ZNF462: variants seen among roughly 807,000 people sequenced by gnomAD.
The protein encoded by ZNF462 is zinc finger protein 462, also known as zinc finger PBX1-interacting protein.
Under a neutral mutation model 201.9 loss-of-function variants are expected in ZNF462, and 10 were observed. That is an observed-to-expected ratio of 0.05 (90% confidence interval 0.03 to 0.08). The LOEUF is 0.08. ZNF462 is among the 10% of genes least tolerant of loss of function. ZNF462 has a pLI of 1.00. For missense variants in ZNF462, 2,523 were observed against 3,168.3 expected, an observed-to-expected ratio of 0.80 and a Z score of 4.89; for synonymous variants, 1,227 against 1,193.3, an observed-to-expected ratio of 1.03 and a Z score of -0.58.
chr9:106,864,074 C>CTCTCTGTCTCTCTG, intron 1 of ZNF462, among the ~76,000 whole-genome samples: 1 of 132,594 alleles, frequency 7.5e-6, no homozygotes, highest in African/African-American at 2.8e-5. Context: ...CTCTCTCTCT[C>CTCTCTGTCTCTCTG]TCTCTCTCTC....
chr9:106,961,552 T>A (rs1831840071), intron 7 of ZNF462, among the ~76,000 whole-genome samples: 1 of 151,848 alleles, frequency 6.6e-6, no homozygotes, highest in African/African-American at 2.4e-5. Flanking sequence ...TTTTTGGATG[T>A]TTGTAGCATG....
rs1250969050 is a variant in ZNF462 at position 106,923,427 on chromosome 9, C to G, written c.44C>G (p.Ser15Cys). The change falls in exon 2 of 13, where the codon TCT (serine) becomes TGT (cysteine). Residue 15 changes from serine (S) to cysteine (C), a missense_variant. By Grantham distance (112) the Ser-to-Cys change is moderately radical (BLOSUM62 -1). Transcript: ENST00000277225. This position sits in a 1 kb window ranked among gnomAD's most constrained non-coding sequence, Gnocchi z 5.6. ...GATGGCTGTGATTTCCGAGCCCCGT[C>G]TTATGAAGATCTCAAGGCACACATT... ...QCDGCDFRAP[S>C]YEDLKAHIQD... 6.2e-7 allele frequency: 1 copy of G among 1,614,170 alleles called. No homozygotes were observed. The highest frequency in any genetic ancestry group is 1.7e-5 in the Admixed American group (1 of 60,022).
At chr9:106,980,592 G>A (rs1256975837) in intron 9 of ZNF462, among the ~76,000 whole-genome samples, 1 of 152,136 alleles carries the variant, frequency 6.6e-6, no homozygotes, top group East Asian at 1.9e-4. Flanking sequence ...TTGAAAGCAT[G>A]CTATTCTCAG....
In ZNF462 at chr9:106,895,077, G is replaced by C. The variant is rs1251969484; in HGVS notation, c.-30-28277G>C. ...TACCATTAGCATAGGTTGATGCACT[G>C]CTTCTGAGTACCCTTTGTTTAAACT... On this transcript the variant is annotated intron_variant, in intron 1 of 12. Transcript: ENST00000277225. The surrounding 1 kb of genome is among the most constrained non-coding windows in gnomAD (Gnocchi z 4.4). Among the ~76,000 whole-genome samples, 1 of 152,132 alleles carries C rather than the reference G, an allele frequency of 6.6e-6. No individual in the cohort carries two copies. Among genetic ancestry groups the C allele is most frequent in the East Asian group, 1.9e-4 (1 of 5,184 alleles).
At chr9:107,001,378 A>T (rs554173175) in intron 10 of ZNF462, among the ~76,000 whole-genome samples, 5 of 152,288 alleles carry the variant, frequency 3.3e-5, no homozygotes, top group South Asian at 2.1e-4. Flanking sequence ...AAAGGCTCAC[A>T]TTCCCAGAAA....
Position 106,935,476 on chromosome 9 carries a change from T to TTC in ZNF462, c.6117-25_6117-24dup, listed in dbSNP as rs1363574963. 6.2e-7 allele frequency: 1 copy of TTC among 1,601,258 alleles called. No individual in the cohort carries two copies. The highest frequency in any genetic ancestry group is 2.2e-5 in the East Asian group (1 of 44,790). On this transcript the variant is annotated intron_variant, in intron 5 of 12. Coordinates refer to ENST00000277225, the MANE Select transcript of ZNF462 (RefSeq NM_021224.6). This position sits in a 1 kb window ranked among gnomAD's most constrained non-coding sequence, Gnocchi z 4.1. The stretch of plus-strand genomic sequence containing the variant: ...TATGCAATTTTTAATTTTGTCATTT[T>TTC]TCTTTTTGTTTTCCTTCTACATCAA...
intron 10 of ZNF462, among the ~76,000 whole-genome samples, chr9:106,992,791 C>A (rs1452397837): frequency 2.0e-5 from 3 of 152,040 alleles, no homozygotes; most frequent in Non-Finnish European, 4.4e-5. Flanking sequence ...TCTTAAACAT[C>A]ATTGAGTTGT....
In ZNF462 at chr9:106,925,400, G is replaced by A. The variant is rs751877104; in HGVS notation, c.1488G>A (p.Thr496=). The A allele has an allele frequency of 4.2e-5, 67 of 1,614,076 alleles. No homozygotes were observed. Among genetic ancestry groups the A allele is most frequent in the African/African-American group, 6.7e-5 (5 of 74,908 alleles). Residue 496 remains threonine, a synonymous_variant, in exon 3 of 13, where the codon ACG becomes ACA. Coordinates refer to ENST00000277225, the MANE Select transcript of ZNF462 (RefSeq NM_021224.6). This position sits in a 1 kb window ranked among gnomAD's most constrained non-coding sequence, Gnocchi z 7.9. ...GAHKQCHTGT[T]SDWDAVNSQS... ...ACAAACAGTGTCACACGGGTACAACGTCAGATTGGGATGCTGTGAATTCCC... is the reference window on the plus strand; with the variant it reads ...ACAAACAGTGTCACACGGGTACAACATCAGATTGGGATGCTGTGAATTCCC...
intron 7 of ZNF462, among the ~76,000 whole-genome samples, chr9:106,944,090 T>C (rs915699627): frequency 6.6e-6 from 1 of 152,206 alleles, no homozygotes; most frequent in Non-Finnish European, 1.5e-5. Context: ...CAGAATGATA[T>C]AGAAAGTATG....
intron 1 of ZNF462, among the ~76,000 whole-genome samples, chr9:106,871,271 A>G (rs904690341): frequency 1.3e-5 from 2 of 152,240 alleles, no homozygotes; most frequent in African/African-American, 4.8e-5. Flanking sequence ...TAGGGAAGTT[A>G]GGCCTTGAAA....
chr9:106,934,838 T>C (rs1454318719), intron 5 of ZNF462, among the ~76,000 whole-genome samples: 2 of 152,176 alleles, frequency 1.3e-5, no homozygotes, highest in African/African-American at 4.8e-5. Context: ...AATAACTCCC[T>C]TGTAAATTGC....
chr9:106,990,367 C>A (rs746090165), intron 10 of ZNF462, among the ~76,000 whole-genome samples: 1 of 151,944 alleles, frequency 6.6e-6, no homozygotes, highest in Non-Finnish European at 1.5e-5. Flanking sequence ...AAGTTCCCTG[C>A]ACTGTTGAAT....
intron 1 of ZNF462, among the ~76,000 whole-genome samples, chr9:106,874,124 G>GA (rs566930945): frequency 6.6e-6 from 1 of 152,144 alleles, no homozygotes; most frequent in Non-Finnish European, 1.5e-5. Flanking sequence ...AAAAGGCTTA[G>GA]AAAAAATATA....
At position 107,003,202 on chromosome 9, in the gene ZNF462, C is replaced by T. The variant is rs543330541; in HGVS notation, c.7057-92C>T. The T allele has an allele frequency of 2.4e-4, 373 of 1,532,420 alleles. 5 individuals carry two copies. The South Asian group carries it at 4.6e-3, about 19-fold the overall frequency. 94.9% of individuals were successfully genotyped at this position (1,532,420 alleles called of 1,614,324 possible). ...GGTCCTGGTTGCAAAACCACAGTCACAGGAAAATGATGTTAGAAAGATCTC... is the reference window on the plus strand; with the variant it reads ...GGTCCTGGTTGCAAAACCACAGTCATAGGAAAATGATGTTAGAAAGATCTC... On this transcript the variant is annotated intron_variant, in intron 10 of 12. Transcript: ENST00000277225. The surrounding 1 kb of genome is among the most constrained non-coding windows in gnomAD (Gnocchi z 4.4).
At chr9:106,975,370 T>C (rs1190872790) in intron 9 of ZNF462, 1 of 152,238 alleles carries the variant, frequency 6.6e-6, no homozygotes, top group African/African-American at 2.4e-5. Flanking sequence ...TTGGGGGCCA[T>C]TGGCAACACA....
At chr9:106,960,263 A>AGTT (rs1202852490) in intron 7 of ZNF462, among the ~76,000 whole-genome samples, 2 of 152,068 alleles carry the variant, frequency 1.3e-5, no homozygotes, top group Non-Finnish European at 2.9e-5. Flanking sequence ...AAATCTCCAC[A>AGTT]GTTGTTCCCT....
intron 1 of ZNF462, among the ~76,000 whole-genome samples, chr9:106,884,563 C>T (rs1294298207): frequency 6.6e-6 from 1 of 152,048 alleles, no homozygotes; most frequent in African/African-American, 2.4e-5. Context: ...CTGTCCCCTT[C>T]CTCCCACCAT....
In ZNF462 at chr9:106,933,666, T is replaced by A. The variant is rs1830511750; in HGVS notation, c.6116+1117T>A. On this transcript the variant is annotated intron_variant, in intron 5 of 12. Transcript: ENST00000277225. This position sits in a 1 kb window ranked among gnomAD's most constrained non-coding sequence, Gnocchi z 4.3. Reference sequence around the variant, plus strand: ...AAAAAACAAAACAAAACCCACTGACTCATCAAAATAAAGCACGTCTTTGAA... The same window carrying A: ...AAAAAACAAAACAAAACCCACTGACACATCAAAATAAAGCACGTCTTTGAA... Among the ~76,000 whole-genome samples, 1 of 152,084 alleles carries A rather than the reference T, an allele frequency of 6.6e-6. No individual in the cohort carries two copies. The highest frequency in any genetic ancestry group is 6.6e-5 in the Admixed American group (1 of 15,266).
At chr9:106,921,582 A>T (rs1173418917) in intron 1 of ZNF462, among the ~76,000 whole-genome samples, 1 of 152,220 alleles carries the variant, frequency 6.6e-6, no homozygotes, top group Non-Finnish European at 1.5e-5. Context: ...TGAAAGTGTG[A>T]TAAACACATT....
Sources: allele counts gnomAD v4.1 joint callset (sites outside exome capture counted in the v4.1 genomes callset), GRCh38; gene constraint gnomAD v4.1.1; non-coding constraint Gnocchi (gnomAD v3.1); transcripts MANE v1.5; gene names NCBI Gene and HGNC (gene_info 2026-07-23, HGNC 2026-07-21).